The following BST1 variants were observed in gnomAD, a reference collection of about 807,000 sequenced individuals.
BST1 encodes bone marrow stromal cell antigen 1.
BST1 carries 49 observed loss-of-function variants against 40.6 expected under a neutral mutation model. The observed-to-expected ratio is 1.21, with a 90% CI of 0.96 to 1.53. BST1 has a LOEUF of 1.53. BST1 is among the 40% of genes most tolerant of loss of function. BST1 has a pLI of 0.00. For synonymous variants in BST1, 157 were observed against 159.3 expected (o/e 0.99, Z 0.11); for missense variants, 423 against 395.9 (o/e 1.07, Z -0.58).
rs1370747286 is a variant in BST1, at chr4:15,715,720, T to C, written c.625T>C (p.Tyr209His). 6 of 1,597,390 alleles carry C rather than the reference T, an allele frequency of 3.8e-6. No individual in the cohort carries two copies. Among genetic ancestry groups the C allele is most frequent in the Admixed American group, 1.8e-5 (1 of 56,228 alleles). The change falls in exon 6 of 9, where the codon TAT becomes CAT. Residue 209 changes from tyrosine to histidine, a missense_variant. Transcript: ENST00000265016. ...AYPIKGFFADYEIPNLQKEKI... is the reference protein window; with the variant it reads ...AYPIKGFFADHEIPNLQKEKI... Reference sequence around the variant, plus strand: ...AATGTTTCTCAGTTTTTTTGCAGATTATGAAATTCCAAACCTCCAGAAGGA... The same window carrying C: ...AATGTTTCTCAGTTTTTTTGCAGATCATGAAATTCCAAACCTCCAGAAGGA...
Position 15,731,904 on chromosome 4 carries a change from A to C in BST1, c.*59A>C. ...CCTGCAGCCTCCCCTTGCAGTCATC[A>C]TTCGTGTTCTGTGTATACCAAATGA... On this transcript the variant is annotated 3_prime_UTR_variant, in exon 9 of 9. Transcript: ENST00000265016. 1 of 1,566,346 alleles carries C rather than the reference A, an allele frequency of 6.4e-7. No individual in the cohort carries two copies. The highest frequency in any genetic ancestry group is 8.7e-7 in the Non-Finnish European group (1 of 1,155,250).
the BST1 span, among the ~76,000 whole-genome samples, chr4:15,748,809 C>A: frequency 6.6e-6 from 1 of 152,188 alleles, no homozygotes; most frequent in African/African-American, 2.4e-5. Context: ...ACAGCTAATT[C>A]CACATTCCTT....
At chr4:15,759,324 A>G in the BST1 span, among the ~76,000 whole-genome samples, 2 of 151,874 alleles carry the variant, frequency 1.3e-5, no homozygotes, top group African/African-American at 4.9e-5. Flanking sequence ...ACCTCTGAAA[A>G]TGCTGTATTC....
At chr4:15,754,320 T>C in the BST1 span, among the ~76,000 whole-genome samples, 3 of 152,156 alleles carry the variant, frequency 2.0e-5, no homozygotes, top group African/African-American at 7.2e-5. Context: ...TGTGACCCCA[T>C]TGTGAAAACT....
At chr4:15,767,135 A>G in the BST1 span, among the ~76,000 whole-genome samples, 3 of 150,350 alleles carry the variant, frequency 2.0e-5, no homozygotes, top group South Asian at 2.1e-4. Context: ...GAAAGTACCC[A>G]AAGGGAAAAG....
chr4:15,716,660 G>A (rs1027320969), intron 6 of BST1, among the ~76,000 whole-genome samples: 3 of 152,118 alleles, frequency 2.0e-5, no homozygotes, highest in Admixed American at 6.6e-5. Context: ...ACTTAATTAC[G>A]TAAGTTATAC....
chr4:15,707,438 T>C, intron 2 of BST1, 73 bp from the exon 3 acceptor site: 1 of 1,597,316 alleles, frequency 6.3e-7, no homozygotes. Context: ...CCAACTTGCC[T>C]TGATGATATT....
At chr4:15,728,869 C>T (rs1247664913) in intron 8 of BST1, among the ~76,000 whole-genome samples, 1 of 152,060 alleles carries the variant, frequency 6.6e-6, no homozygotes, top group Non-Finnish European at 1.5e-5. Flanking sequence ...TGGTCTCAAA[C>T]TCCTGACTTC....
the BST1 span, among the ~76,000 whole-genome samples, chr4:15,763,062 C>T: frequency 7.2e-5 from 11 of 151,832 alleles, no homozygotes; most frequent in African/African-American, 2.7e-4. Flanking sequence ...ATGCATTACA[C>T]TATTGATCTG....
At chr4:15,769,519 G>A in the BST1 span, among the ~76,000 whole-genome samples, 1 of 152,126 alleles carries the variant, frequency 6.6e-6, no homozygotes, top group East Asian at 1.9e-4. Flanking sequence ...TGAGCCACAG[G>A]GAGTTACATG....
At chr4:15,736,974 TG>T (rs1721593206), downstream of BST1, among the ~76,000 whole-genome samples, 1 of 152,166 alleles carries the variant, frequency 6.6e-6, no homozygotes, top group Non-Finnish European at 1.5e-5. Flanking sequence ...CCTAACATTG[TG>T]GCCAAGAGCA....
intron 8 of BST1, among the ~76,000 whole-genome samples, chr4:15,723,277 C>T (rs375203305): frequency 2.0e-4 from 31 of 152,202 alleles, no homozygotes; most frequent in African/African-American, 6.0e-4. Flanking sequence ...GGCAGAGTCT[C>T]GCTCTATCGC....
chr4:15,743,336 A>C, the BST1 span: 1 of 351,946 alleles, frequency 2.8e-6, no homozygotes, highest in South Asian at 2.8e-5. Flanking sequence ...CACATCTTAC[A>C]GATGCAGAGA....
intron 3 of BST1, among the ~76,000 whole-genome samples, chr4:15,711,594 C>G (rs2148882006): frequency 1.3e-5 from 2 of 152,318 alleles, no homozygotes; most frequent in African/African-American, 4.8e-5. Context: ...TTGTGATGAG[C>G]AAAATGACCA....
chr4:15,766,200 A>G, the BST1 span, among the ~76,000 whole-genome samples: 5 of 151,980 alleles, frequency 3.3e-5, no homozygotes, highest in African/African-American at 1.2e-4. Flanking sequence ...AAAATCAGGA[A>G]GTATAGGATG....
chr4:15,769,652 CAG>C, the BST1 span, among the ~76,000 whole-genome samples: 15 of 151,922 alleles, frequency 9.9e-5, no homozygotes, highest in Non-Finnish European at 2.1e-4. Context: ...GCAGAAAGAA[CAG>C]AATTTCTCTC....
intron 2 of BST1, among the ~76,000 whole-genome samples, chr4:15,705,990 CT>C (rs1289501568): frequency 2.6e-5 from 4 of 152,114 alleles, no homozygotes; most frequent in Non-Finnish European, 5.9e-5. Context: ...GAGCAGGTGT[CT>C]TACATGGCAC....
chr4:15,722,276 T>G (rs1433301322), intron 7 of BST1, among the ~76,000 whole-genome samples: 3 of 152,246 alleles, frequency 2.0e-5, no homozygotes, highest in Admixed American at 6.5e-5. Flanking sequence ...GGTGGGTTAT[T>G]GTGGTCAGCT....
downstream of BST1, among the ~76,000 whole-genome samples, chr4:15,733,535 C>T (rs780457665): frequency 3.9e-5 from 6 of 152,244 alleles, no homozygotes; most frequent in South Asian, 4.1e-4. Flanking sequence ...AGTCCCCTCT[C>T]GACCTAGGAA....
Sources: gnomAD v4.1 joint callset for allele counts (sites outside exome capture counted in the v4.1 genomes callset) on GRCh38, gnomAD v4.1.1 for gene constraint, MANE v1.5 for transcripts, NCBI Gene and HGNC (gene_info 2026-07-23, HGNC 2026-07-21) for gene names.